Variants in RARB observed in about 807,000 individuals in gnomAD.
RARB encodes the protein retinoic acid receptor beta, also known as HBV-activated protein.
Under a neutral mutation model 51.9 loss-of-function variants are expected in RARB, and 17 were observed. That is an observed-to-expected ratio of 0.33 (90% CI 0.22 to 0.49). The LOEUF is 0.49. Among genes scored for constraint, RARB ranks in the 20% least tolerant of loss-of-function variants. The probability of loss-of-function intolerance (pLI) is 0.99; values close to 1 mark genes in which losing one functional copy is unlikely to be tolerated. For missense variants in RARB, 369 were observed against 550.8 expected, an observed-to-expected ratio of 0.67 and a Z score of 3.30; for synonymous variants, 215 against 195.4, an observed-to-expected ratio of 1.10 and a Z score of -0.84.
At chr3:24,882,357 C>A (rs1225042738) in intron 2 of RARB, among the ~76,000 whole-genome samples, 1 of 152,020 alleles carries the variant, frequency 6.6e-6, no homozygotes, top group Admixed American at 6.6e-5. Context: ...ATTCACTAAA[C>A]AATACAATAA....
chr3:25,213,469 T>C (rs1701747288), intron 5 of RARB, among the ~76,000 whole-genome samples: 2 of 152,344 alleles, frequency 1.3e-5, no homozygotes, highest in South Asian at 2.1e-4. Flanking sequence ...ATTCTATTGC[T>C]TTGACATTTG....
At chr3:25,063,491 G>C (rs746129538) in intron 3 of RARB, among the ~76,000 whole-genome samples, 1 of 151,938 alleles carries the variant, frequency 6.6e-6, no homozygotes, top group South Asian at 2.1e-4. Context: ...ATTTATGGCA[G>C]TGTCATAATT....
chr3:25,180,422 T>C (rs1249787583), intron 5 of RARB, among the ~76,000 whole-genome samples: 4 of 152,228 alleles, frequency 2.6e-5, no homozygotes, highest in Non-Finnish European at 5.9e-5. Context: ...GAGTTCATTA[T>C]AGAAAATGAG....
intron 3 of RARB, among the ~76,000 whole-genome samples, chr3:25,556,517 C>G (rs897307280): frequency 2.6e-5 from 4 of 151,430 alleles, no homozygotes; most frequent in Non-Finnish European, 4.4e-5. Context: ...TTTGAAAAAG[C>G]AAAAAGTTTT....
At chr3:25,092,014 T>C (rs935843947) in intron 3 of RARB, among the ~76,000 whole-genome samples, 1 of 152,170 alleles carries the variant, frequency 6.6e-6, no homozygotes, top group Admixed American at 6.6e-5. Context: ...TGTTCTTTTA[T>C]GGACTTGTAG....
At chr3:25,060,147 T>C (rs1231403341) in exon 3 of RARB, 1 of 151,692 alleles carries the variant, frequency 6.6e-6, no homozygotes, top group African/African-American at 2.4e-5. Flanking sequence ...ACTGCAGAGA[T>C]GAAGTAACTT....
At chr3:25,135,562 G>A (rs1013562973) in intron 4 of RARB, among the ~76,000 whole-genome samples, 10 of 151,978 alleles carry the variant, frequency 6.6e-5, no homozygotes, top group African/African-American at 2.4e-4. Flanking sequence ...GTTCTCAGCA[G>A]GATAGGTTGA....
At chr3:25,440,621 A>G (rs766608456) in intron 1 of RARB, among the ~76,000 whole-genome samples, 109 of 151,934 alleles carry the variant, frequency 7.2e-4, no homozygotes, top group Non-Finnish European at 1.5e-3. Flanking sequence ...AAATACAACA[A>G]TTAGCTGGGC....
At chr3:25,037,242 T>C (rs1230691615) in intron 2 of RARB, among the ~76,000 whole-genome samples, 1 of 150,764 alleles carries the variant, frequency 6.6e-6, no homozygotes, top group Non-Finnish European at 1.5e-5. Context: ...AAGCACGTTT[T>C]AAAGGAATTT....
intron 2 of RARB, among the ~76,000 whole-genome samples, chr3:25,038,620 C>A (rs1337358694): frequency 6.6e-6 from 1 of 152,108 alleles, no homozygotes; most frequent in East Asian, 1.9e-4. Flanking sequence ...TTAGCACACA[C>A]AGTTCTGCTG....
At chr3:24,915,305 T>C (rs1256192525) in intron 2 of RARB, among the ~76,000 whole-genome samples, 1 of 152,238 alleles carries the variant, frequency 6.6e-6, no homozygotes, top group East Asian at 1.9e-4. Context: ...TAGGTAAAAC[T>C]AATTTTAATT....
At chr3:25,520,321 C>T in intron 3 of RARB, among the ~76,000 whole-genome samples, 1 of 152,180 alleles carries the variant, frequency 6.6e-6, no homozygotes, top group East Asian at 1.9e-4. Context: ...TTCATAGAAG[C>T]TACTCAGTAG....
chr3:24,913,895 T>C (rs538242558), intron 2 of RARB, among the ~76,000 whole-genome samples: 4 of 152,360 alleles, frequency 2.6e-5, no homozygotes, highest in African/African-American at 7.2e-5. Context: ...TTACTCACTA[T>C]GTATTAGAAA....
intron 3 of RARB, among the ~76,000 whole-genome samples, chr3:25,562,019 G>C (rs1038558254): frequency 7.6e-5 from 10 of 131,352 alleles, no homozygotes; most frequent in Non-Finnish European, 1.2e-4. Context: ...TTTTTACCCT[G>C]CTCAACTTTT....
chr3:25,086,543 G>A (rs1699108862), intron 3 of RARB, among the ~76,000 whole-genome samples: 1 of 152,162 alleles, frequency 6.6e-6, no homozygotes, highest in Non-Finnish European at 1.5e-5. Context: ...GACCGTGGCT[G>A]GTGACACAGC....
chr3:25,201,575 A>G (rs201538452), intron 5 of RARB, among the ~76,000 whole-genome samples: 3 of 152,116 alleles, frequency 2.0e-5, no homozygotes, highest in African/African-American at 7.2e-5. Context: ...GTTTGTCATA[A>G]ATAGCTCTTA....
intron 1 of RARB, among the ~76,000 whole-genome samples, chr3:25,430,066 C>G (rs1398210033): frequency 6.6e-6 from 1 of 152,126 alleles, no homozygotes; most frequent in Non-Finnish European, 1.5e-5. Context: ...GAAACTTTTT[C>G]TTAAGAATAA....
intron 5 of RARB, among the ~76,000 whole-genome samples, chr3:25,205,910 AT>A (rs753783092): frequency 1.7e-4 from 26 of 151,736 alleles, no homozygotes; most frequent in Non-Finnish European, 2.8e-4. Context: ...TGCCCAGCTA[AT>A]TTTTTTTCTT....
chr3:24,954,561 A>G (rs528771018), intron 2 of RARB, among the ~76,000 whole-genome samples: 1 of 152,320 alleles, frequency 6.6e-6, no homozygotes, highest in African/African-American at 2.4e-5. Context: ...AAGTTTTATA[A>G]ATAGCAATTC....
Sources: gnomAD v4.1 joint callset for allele counts (sites outside exome capture counted in the v4.1 genomes callset) on GRCh38, gnomAD v4.1.1 for gene constraint, MANE v1.5 for transcripts, NCBI Gene and HGNC (gene_info 2026-07-23, HGNC 2026-07-21) for gene names.